SPTA1: variants seen among roughly 807,000 people sequenced by gnomAD.
SPTA1 encodes spectrin alpha, erythrocytic 1.
A neutral mutation model predicts 324.7 loss-of-function variants in SPTA1; 177 were observed. That is an observed-to-expected ratio of 0.55 (90% CI 0.48 to 0.62). The LOEUF is 0.62. Ranked by LOEUF, SPTA1 falls within the 20% of genes least tolerant of loss-of-function variation. SPTA1 has a pLI of 0.00. For missense variants in SPTA1, 3,162 were observed against 2,883.6 expected, an observed-to-expected ratio of 1.10 and a Z score of -2.21; for synonymous variants, 1,195 against 1,041.3, an observed-to-expected ratio of 1.15 and a Z score of -2.84.
intron 27 of SPTA1, among the ~76,000 whole-genome samples, chr1:158,647,263 T>C (rs1652063284): frequency 6.6e-6 from 1 of 152,238 alleles, no homozygotes; most frequent in Admixed American, 6.5e-5. Flanking sequence ...GAATACTGAA[T>C]ACAGTAGAAG....
chr1:158,629,187 C>CTATCTA (rs1553225657), intron 39 of SPTA1, among the ~76,000 whole-genome samples: 4,244 of 148,230 alleles, frequency 0.029, 82 homozygotes, highest in Non-Finnish European at 0.038. Flanking sequence ...CAAAATATAT[C>CTATCTA]TCTATCTATC....
At chr1:158,628,117 G>A (rs866635438) in intron 39 of SPTA1, among the ~76,000 whole-genome samples, 3 of 152,080 alleles carry the variant, frequency 2.0e-5, no homozygotes, top group African/African-American at 4.8e-5. Context: ...ACTAAGCCCT[G>A]ATCCTAAAGA....
At chr1:158,628,410 G>A (rs1650432887) in intron 39 of SPTA1, among the ~76,000 whole-genome samples, 1 of 151,978 alleles carries the variant, frequency 6.6e-6, no homozygotes, top group South Asian at 2.1e-4. Flanking sequence ...ATACAACATA[G>A]TAAGTCAGGT....
intron 26 of SPTA1, 151 bp from the exon 27 acceptor site, chr1:158,647,871 T>C: frequency 1.2e-6 from 1 of 815,280 alleles, no homozygotes; most frequent in Non-Finnish European, 1.9e-6. Context: ...TATCAACCTT[T>C]TAGTCCACAT....
At chr1:158,627,039 A>T in intron 40 of SPTA1, 32 bp from the exon 41 acceptor site, 6 of 1,612,546 alleles carry the variant, frequency 3.7e-6, no homozygotes, top group Non-Finnish European at 5.1e-6. Flanking sequence ...ATATATTTAT[A>T]ATGTGCAGGG....
At position 158,683,375 on chromosome 1, in the gene SPTA1, G is replaced by A. The variant is rs374406059; in HGVS notation, c.386C>T (p.Thr129Met). Residue 129 changes from threonine (T) to methionine (M), a missense_variant, in exon 3 of 52, where the codon ACG becomes ATG. Coordinates refer to ENST00000643759, the MANE Select transcript of SPTA1 (RefSeq NM_003126.4). ...TTCAAGGGCCCATACATATACCTTCGTTTCTTCGTGGGCAGAATGACCCAT... is the reference window on the plus strand; with the variant it reads ...TTCAAGGGCCCATACATATACCTTCATTTCTTCGTGGGCAGAATGACCCAT... The part of the protein sequence containing the change: ...FTMGHSAHEE[T>M]KAHIEELRHL... 51 of 1,613,000 alleles carry A rather than the reference G, an allele frequency of 3.2e-5. No homozygotes were observed. In the Middle Eastern group the frequency reaches 4.9e-4, roughly 16 times the overall value.
At chr1:158,645,079 G>T in intron 29 of SPTA1, 109 bp downstream of exon 29, 1 of 1,124,216 alleles carries the variant, frequency 8.9e-7, no homozygotes, top group Non-Finnish European at 1.3e-6. Context: ...AGCTCCCTTT[G>T]TGTTTATAAC....
chr1:158,616,100 A>T (rs1357143005), intron 47 of SPTA1, among the ~76,000 whole-genome samples: 1 of 152,164 alleles, frequency 6.6e-6, no homozygotes, highest in Non-Finnish European at 1.5e-5. Flanking sequence ...AATTTGCCTG[A>T]CATCTTTTTT....
chr1:158,640,832 A>G lies in SPTA1; in HGVS notation c.4738-825T>C, dbSNP rs569225186. Among the ~76,000 whole-genome samples the G allele has an allele frequency of 2.6e-5, 4 of 152,318 alleles. No homozygotes were observed. In the East Asian group the frequency reaches 7.7e-4, roughly 29 times the overall value. On this transcript the variant is annotated intron_variant, in intron 33 of 51. Transcript: ENST00000643759. ...ACTTTAAAGTTCATATGGAACCAAA[A>G]AAGAGCCTACATTGCCAAGTCAATC...
intron 42 of SPTA1, among the ~76,000 whole-genome samples, chr1:158,623,986 T>A (rs1207195696): frequency 1.3e-5 from 2 of 152,226 alleles, no homozygotes; most frequent in Non-Finnish European, 2.9e-5. Context: ...ACTCAGATCA[T>A]GGCTTCAGAG....
chr1:158,649,493 C>T (rs1179624630), intron 25 of SPTA1, among the ~76,000 whole-genome samples: 1 of 152,094 alleles, frequency 6.6e-6, no homozygotes, highest in Non-Finnish European at 1.5e-5. Flanking sequence ...TGCTTTGTTG[C>T]CCAGGTTGGT....
Position 158,611,344 on chromosome 1 carries a change from G to C in SPTA1, c.7180C>G (p.Gln2394Glu). 1 of 1,613,730 alleles carries C rather than the reference G, an allele frequency of 6.2e-7. No individual in the cohort carries two copies. The highest frequency in any genetic ancestry group is 1.7e-4 in the Middle Eastern group (1 of 6,058). The change falls in exon 52 of 52, where the codon CAA (glutamine) becomes GAA (glutamate). Residue 2394 changes from glutamine to glutamate, a missense_variant. Coordinates refer to ENST00000643759, the MANE Select transcript of SPTA1 (RefSeq NM_003126.4). ...QVSFCATHMQ[Q>E]YMDPRGRSHL... Reference sequence around the variant, plus strand: ...CTTCGACCCCGTGGGTCCATATATTGCTGCATATGTGTGGCACAGAATGAC... The same window carrying C: ...CTTCGACCCCGTGGGTCCATATATTCCTGCATATGTGTGGCACAGAATGAC...
intron 8 of SPTA1, among the ~76,000 whole-genome samples, chr1:158,675,827 C>T (rs1043738311): frequency 6.6e-6 from 1 of 152,042 alleles, no homozygotes; most frequent in Non-Finnish European, 1.5e-5. Context: ...AGTGGACCAG[C>T]CAGAAATTTT....
intron 45 of SPTA1, among the ~76,000 whole-genome samples, chr1:158,618,350 G>A (rs1190230678): frequency 1.3e-5 from 2 of 152,194 alleles, no homozygotes; most frequent in Non-Finnish European, 2.9e-5. Context: ...AAAAGAGGAA[G>A]AGAAGGGTGT....
chr1:158,639,142 T>A (rs1651330145), intron 35 of SPTA1: 1 of 173,250 alleles, frequency 5.8e-6, no homozygotes. Context: ...AAATTTTTGG[T>A]TGCTATTAGG....
At chr1:158,685,369 T>C (rs1266362785) in intron 1 of SPTA1, 22 bp from the exon 2 acceptor site, 1 of 1,611,492 alleles carries the variant, frequency 6.2e-7, no homozygotes, top group Non-Finnish European at 8.5e-7. Flanking sequence ...AAAGATTCTG[T>C]TACTTGCTAG....
chr1:158,638,034 C>G lies in SPTA1; in HGVS notation c.5188G>C (p.Glu1730Gln), dbSNP rs1442558972. The change falls in exon 36 of 52, where the codon GAG becomes CAG. Residue 1730 changes from glutamate (E) to glutamine (Q), a missense_variant and splice_region_variant. Coordinates refer to ENST00000643759, the MANE Select transcript of SPTA1 (RefSeq NM_003126.4). ...QDLDDEESWIEEKLIRVSSQD... is the reference protein window; with the variant it reads ...QDLDDEESWIQEKLIRVSSQD... ...CATTTTTGAGCTGGTGGCACATACT[C>G]TATCCAGGATTCCTCATCATCTAGA... The G allele has an allele frequency of 6.2e-7, 1 of 1,613,504 alleles. No homozygotes were observed. The highest frequency in any genetic ancestry group is 1.3e-5 in the African/African-American group (1 of 74,928).
In SPTA1 at chr1:158,653,261, C is replaced by A. The variant is rs1490463673; in HGVS notation, c.3188+13G>T. On this transcript the variant is annotated intron_variant, in intron 22 of 51. Coordinates refer to ENST00000643759, the MANE Select transcript of SPTA1 (RefSeq NM_003126.4). ...ACCAAATACTGTTCAGTTCTCCAGG[C>A]TCCAGAACTTACTGGTTCTCAATCT... 2 of 1,613,968 alleles carry A rather than the reference C, an allele frequency of 1.2e-6. No individual in the cohort carries two copies. The highest frequency in any genetic ancestry group is 1.7e-6 in the Non-Finnish European group (2 of 1,180,006).
Position 158,664,170 on chromosome 1 carries a change from A to G in SPTA1, c.2221-1225T>C, listed in dbSNP as rs150200984. Reference sequence around the variant, plus strand: ...ACATATCATTTGACCCAGCAATCCCATTACGGGGTATATACCCAAAGGATT... The same window carrying G: ...ACATATCATTTGACCCAGCAATCCCGTTACGGGGTATATACCCAAAGGATT... On this transcript the variant is annotated intron_variant, in intron 16 of 51. Transcript: ENST00000643759. Among the ~76,000 whole-genome samples the G allele has an allele frequency of 9.1e-3, 1,385 of 152,250 alleles. 18 individuals are homozygous for G. Among genetic ancestry groups the G allele is most frequent in the African/African-American group, 0.031 (1,291 of 41,564 alleles).
Sources: gnomAD v4.1 joint callset for allele counts (sites outside exome capture counted in the v4.1 genomes callset) on GRCh38, gnomAD v4.1.1 for gene constraint, MANE v1.5 for transcripts, NCBI Gene and HGNC (gene_info 2026-07-23, HGNC 2026-07-21) for gene names.